The following ITGA9 variants were observed in gnomAD, a reference collection of about 807,000 sequenced individuals.
ITGA9 encodes the protein integrin alpha-9.
ITGA9 carries 56 observed loss-of-function variants against 127.8 expected under a neutral mutation model. The observed-to-expected ratio is 0.44, with a 90% CI of 0.35 to 0.55. ITGA9 has a LOEUF of 0.55. ITGA9 is among the 20% of genes least tolerant of loss of function. The probability of loss-of-function intolerance (pLI) is 0.00; values close to 1 mark genes in which losing one functional copy is unlikely to be tolerated. For synonymous variants in ITGA9, 508 were observed against 514.5 expected (o/e 0.99, Z 0.17); for missense variants, 1,196 against 1,347.1 (o/e 0.89, Z 1.76).
intron 25 of ITGA9, among the ~76,000 whole-genome samples, chr3:37,781,235 A>T (rs1696972862): frequency 6.6e-6 from 1 of 152,066 alleles, no homozygotes; most frequent in African/African-American, 2.4e-5. Flanking sequence ...CAGTCTAGGG[A>T]CCTCGCTTTG....
intron 17 of ITGA9, among the ~76,000 whole-genome samples, chr3:37,677,456 T>G (rs907033822): frequency 6.6e-6 from 1 of 152,224 alleles, no homozygotes; most frequent in African/African-American, 2.4e-5. Context: ...AGAGAAAAGT[T>G]AAGCACCTCA....
Position 37,653,734 on chromosome 3 carries a change from C to T in ITGA9, c.1860C>T (p.Cys620=). Residue 620 remains cysteine, a synonymous_variant, in exon 17 of 28, where the codon TGC becomes TGT. Transcript: ENST00000264741. ...QKNQTVFERN[C]RSEDCAADLQ... is the part of the protein sequence containing the mutation. Reference sequence around the variant, plus strand: ...CACAGACTGTTTTTGAAAGGAATTGCCGTTCAGAGGACTGTGCCGCAGACC... The same window carrying T: ...CACAGACTGTTTTTGAAAGGAATTGTCGTTCAGAGGACTGTGCCGCAGACC... 1.2e-6 allele frequency: 2 copies of T among 1,613,608 alleles called. No individual in the cohort carries two copies. The highest frequency in any genetic ancestry group is 2.2e-5 in the South Asian group (2 of 91,074).
In ITGA9 at chr3:37,779,986, A is replaced by T. The variant is rs1394688095; in HGVS notation, c.2752A>T (p.Ile918Phe). The T allele has an allele frequency of 3.7e-6, 6 of 1,614,010 alleles. No individual in the cohort carries two copies. Among genetic ancestry groups the T allele is most frequent in the Admixed American group, 1.7e-5 (1 of 60,006 alleles). The stretch of plus-strand genomic sequence containing the variant: ...TAAAGAAGAAAGTCGTACTATAGAC[A>T]TTTACATGCTGCTGAACACAGAAAT... ...LAKEESRTID[I>F]YMLLNTEILK... The change falls in exon 25 of 28, where the codon ATT (isoleucine) becomes TTT (phenylalanine). Residue 918 changes from isoleucine to phenylalanine, a missense_variant. Transcript: ENST00000264741.
intron 26 of ITGA9, among the ~76,000 whole-genome samples, chr3:37,789,122 C>T (rs1697075128): frequency 6.6e-6 from 1 of 152,074 alleles, no homozygotes; most frequent in African/African-American, 2.4e-5. Flanking sequence ...TGTTAGTTTA[C>T]CTTGCTATCG....
chr3:37,481,569 T>C lies in ITGA9; in HGVS notation c.506T>C (p.Leu169Pro). 6.2e-7 allele frequency: 1 copy of C among 1,614,062 alleles called. No homozygotes were observed. The highest frequency in any genetic ancestry group is 8.5e-7 in the Non-Finnish European group (1 of 1,179,974). Reference protein sequence around the residue: ...HGFCYIIPSNLQAKGRTLIPC... With the variant: ...HGFCYIIPSNPQAKGRTLIPC... The stretch of plus-strand genomic sequence containing the variant: ...TTCTGCTACATCATCCCCTCCAACC[T>C]CCAGGCCAAAGGCAGGACGCTGATC... The change falls in exon 4 of 28, where the codon CTC becomes CCC. Residue 169 changes from leucine to proline, a missense_variant. Coordinates refer to ENST00000264741, the MANE Select transcript of ITGA9 (RefSeq NM_002207.3).
At chr3:37,525,338 T>TA (rs1204502209) in intron 12 of ITGA9, among the ~76,000 whole-genome samples, 15 of 152,202 alleles carry the variant, frequency 9.9e-5, no homozygotes, top group African/African-American at 3.4e-4. Flanking sequence ...AGTGGGTACT[T>TA]AATGAATATT....
intron 20 of ITGA9, 119 bp downstream of exon 20, chr3:37,737,102 C>T (rs1575214261): frequency 3.9e-6 from 3 of 769,124 alleles, no homozygotes; most frequent in African/African-American, 3.4e-5. Flanking sequence ...AATGGTTACT[C>T]AGTGATAAAG....
At chr3:37,618,268 A>T (rs6763894) in intron 15 of ITGA9, among the ~76,000 whole-genome samples, 1 of 152,222 alleles carries the variant, frequency 6.6e-6, no homozygotes, top group African/African-American at 2.4e-5. Flanking sequence ...CGGAGGCTGC[A>T]GAACAGTGGA....
rs752622724 is a variant in ITGA9, at chr3:37,512,013, CTT to C, written c.898-1747_898-1746del. Reference sequence around the variant, plus strand: ...CTTTTCTTTTCTTTTCTTTTCTTTTCTTTTCTTTTCTTTTCTTTCTTTCTTTC... The same window carrying C: ...CTTTTCTTTTCTTTTCTTTTCTTTTCTTCTTTTCTTTTCTTTCTTTCTTTC... On this transcript the variant is annotated intron_variant, in intron 8 of 27. Coordinates refer to ENST00000264741, the MANE Select transcript of ITGA9 (RefSeq NM_002207.3). 8.1e-3 allele frequency among the ~76,000 whole-genome samples: 288 copies of C among 35,498 alleles called. 31 individuals are homozygous for C. Among genetic ancestry groups the C allele is most frequent in the Non-Finnish European group, 0.01 (166 of 16,096 alleles). 23.3% of individuals were successfully genotyped at this position (35,498 alleles called of 152,430 possible).
chr3:37,721,873 T>A (rs1212464724), intron 18 of ITGA9, among the ~76,000 whole-genome samples: 1 of 152,216 alleles, frequency 6.6e-6, no homozygotes, highest in Non-Finnish European at 1.5e-5. Context: ...CTGCTCATTG[T>A]TGCGCGTTCC....
rs1452993514 is a variant in ITGA9, at chr3:37,512,052, C to G, written c.898-1711C>G. 2.8e-4 allele frequency among the ~76,000 whole-genome samples: 12 copies of G among 42,176 alleles called. 1 individual carries two copies. Among genetic ancestry groups the G allele is most frequent in the Non-Finnish European group, 5.3e-4 (10 of 19,014 alleles). 27.7% of individuals were successfully genotyped at this position (42,176 alleles called of 152,430 possible). ...TCTTTCTTTCTTTCTTTCTTTCTTT[C>G]TTTCTTTCTTTCTTTCTTTCTTTCC... On this transcript the variant is annotated intron_variant, in intron 8 of 27. Transcript: ENST00000264741.
At chr3:37,549,013 A>C (rs763110993) in intron 15 of ITGA9, among the ~76,000 whole-genome samples, 1 of 152,218 alleles carries the variant, frequency 6.6e-6, no homozygotes, top group Non-Finnish European at 1.5e-5. Flanking sequence ...GCCGCTGCTC[A>C]TGCGATATGC....
chr3:37,502,188 A>C (rs1199306192), intron 5 of ITGA9, among the ~76,000 whole-genome samples: 1 of 148,978 alleles, frequency 6.7e-6, no homozygotes, highest in East Asian at 2.0e-4. Flanking sequence ...TGCTGAAGAC[A>C]GCTGTGCCTC....
intron 14 of ITGA9, among the ~76,000 whole-genome samples, chr3:37,541,477 A>G (rs1020727775): frequency 5.3e-5 from 8 of 152,282 alleles, no homozygotes; most frequent in African/African-American, 1.7e-4. Flanking sequence ...TTACTTATTG[A>G]CTCTGAAATA....
chr3:37,603,155 C>T (rs189365120), intron 15 of ITGA9, among the ~76,000 whole-genome samples: 3 of 152,268 alleles, frequency 2.0e-5, no homozygotes, highest in South Asian at 4.2e-4. Flanking sequence ...TAGGCCTTAT[C>T]GAATGGGGTT....
At chr3:37,585,706 G>T (rs781274740) in intron 15 of ITGA9, 5 of 499,646 alleles carry the variant, frequency 1.0e-5, no homozygotes, top group Non-Finnish European at 2.0e-5. Flanking sequence ...AATAGTAATT[G>T]CCTTACTTTA....
chr3:37,819,226 A>T lies in ITGA9; in HGVS notation c.*237A>T, dbSNP rs944259541. On this transcript the variant is annotated 3_prime_UTR_variant, in exon 28 of 28. Transcript: ENST00000264741. ...AACTCTGAACTTTGGAGAGTGAGCTACAGAGCCGAGCAATATTTATGGATG... is the reference window on the plus strand; with the variant it reads ...AACTCTGAACTTTGGAGAGTGAGCTTCAGAGCCGAGCAATATTTATGGATG... 1 of 582,968 alleles carries T rather than the reference A, an allele frequency of 1.7e-6. No individual in the cohort carries two copies. The highest frequency in any genetic ancestry group is 3.1e-6 in the Non-Finnish European group (1 of 326,416). The allele number at this position is 582,968 out of a possible 1,614,324, so 36.1% of individuals were successfully genotyped here.
At chr3:37,531,990 G>A (rs1037397720) in intron 13 of ITGA9, among the ~76,000 whole-genome samples, 25 of 152,154 alleles carry the variant, frequency 1.6e-4, no homozygotes, top group Admixed American at 5.2e-4. Flanking sequence ...AAAGGTCGAC[G>A]GGGTTTTATA....
intron 26 of ITGA9, among the ~76,000 whole-genome samples, 190 bp downstream of exon 26, chr3:37,785,268 A>G (rs148167102): frequency 2.0e-5 from 3 of 152,246 alleles, no homozygotes; most frequent in Non-Finnish European, 4.4e-5. Flanking sequence ...CGTTCTTGTG[A>G]TAGCATTGTC....
Sources: gnomAD v4.1 joint callset for allele counts (sites outside exome capture counted in the v4.1 genomes callset) on GRCh38, gnomAD v4.1.1 for gene constraint, MANE v1.5 for transcripts, NCBI Gene and HGNC (gene_info 2026-07-23, HGNC 2026-07-21) for gene names.